HIPK2: variants seen among roughly 807,000 people sequenced by gnomAD.
HIPK2 encodes the protein homeodomain-interacting protein kinase 2.
A neutral mutation model predicts 113.7 loss-of-function variants in HIPK2; 27 were observed. The observed-to-expected ratio is 0.24, with a 90% confidence interval of 0.17 to 0.33. The LOEUF is 0.33. HIPK2 is among the 10% of genes least tolerant of loss of function. The pLI, the probability that HIPK2 is intolerant of heterozygous loss-of-function variation, is 1.00. For missense variants in HIPK2, 1,257 were observed against 1,588.0 expected, an observed-to-expected ratio of 0.79 and a Z score of 3.54; for synonymous variants, 631 against 642.2, an observed-to-expected ratio of 0.98 and a Z score of 0.26.
intron 7 of HIPK2, among the ~76,000 whole-genome samples, chr7:139,618,869 G>T (rs546705285): frequency 6.6e-6 from 1 of 152,334 alleles, no homozygotes; most frequent in Non-Finnish European, 1.5e-5. Context: ...TTAAGACCAG[G>T]TGCCTCATGA....
At chr7:139,730,280 G>A (rs1795731448) in intron 1 of HIPK2, among the ~76,000 whole-genome samples, 1 of 152,038 alleles carries the variant, frequency 6.6e-6, no homozygotes, top group Non-Finnish European at 1.5e-5. Flanking sequence ...AAATGTTTGT[G>A]GCACACAGAA....
intron 1 of HIPK2, among the ~76,000 whole-genome samples, chr7:139,733,299 G>A (rs1319580644): frequency 2.0e-5 from 3 of 152,162 alleles, no homozygotes; most frequent in Non-Finnish European, 1.5e-5. Context: ...CTAAACAAGC[G>A]TTTAGTGAAA....
At chr7:139,764,448 A>G (rs1300275193) in intron 1 of HIPK2, among the ~76,000 whole-genome samples, 1 of 152,236 alleles carries the variant, frequency 6.6e-6, no homozygotes, top group East Asian at 1.9e-4. Flanking sequence ...AATGTTAAGT[A>G]AAACAAAGTC....
At chr7:139,699,797 A>G (rs907061177) in intron 2 of HIPK2, among the ~76,000 whole-genome samples, 1 of 152,206 alleles carries the variant, frequency 6.6e-6, no homozygotes, top group African/African-American at 2.4e-5. Flanking sequence ...TGAATCCCTC[A>G]CAGCACTGGG....
At chr7:139,652,908 C>T (rs1366955123) in intron 2 of HIPK2, among the ~76,000 whole-genome samples, 2 of 151,790 alleles carry the variant, frequency 1.3e-5, no homozygotes, top group African/African-American at 2.4e-5. Context: ...TTTGGGAGGC[C>T]GGGGTGGGTG....
At chr7:139,649,352 T>C (rs7785516) in intron 2 of HIPK2, among the ~76,000 whole-genome samples, 21,907 of 152,224 alleles carry the variant, frequency 0.14, 1,842 homozygotes, top group African/African-American at 0.23. Flanking sequence ...AGATGCTGCT[T>C]GTGCTGACCT....
chr7:139,669,658 G>GT (rs199621058), intron 2 of HIPK2, among the ~76,000 whole-genome samples: 8 of 147,208 alleles, frequency 5.4e-5, no homozygotes, highest in South Asian at 4.2e-4. Context: ...GTGGGCGGGT[G>GT]GGGGGGACAC....
chr7:139,621,409 C>A (rs1481806816), intron 6 of HIPK2, among the ~76,000 whole-genome samples: 2 of 152,190 alleles, frequency 1.3e-5, no homozygotes, highest in African/African-American at 4.8e-5. Context: ...TTCTCCTTTT[C>A]TTCCCCCATT....
intron 6 of HIPK2, among the ~76,000 whole-genome samples, chr7:139,624,888 C>T (rs557296910): frequency 2.0e-5 from 3 of 152,298 alleles, no homozygotes; most frequent in South Asian, 4.1e-4. Context: ...CGATTCATGT[C>T]GAACCTCAGG....
intron 1 of HIPK2, 47 bp downstream of exon 1, chr7:139,777,558 C>T (rs1484104484): frequency 2.2e-6 from 2 of 922,370 alleles, no homozygotes; most frequent in Non-Finnish European, 2.6e-6. Flanking sequence ...CTGCGGGGGC[C>T]GCGGAGGGCG....
At chr7:139,695,826 A>G (rs1229606302) in intron 2 of HIPK2, among the ~76,000 whole-genome samples, 1 of 152,222 alleles carries the variant, frequency 6.6e-6, no homozygotes, top group Non-Finnish European at 1.5e-5. Context: ...CCTGTCCCAC[A>G]GCTTAACTGT....
intron 2 of HIPK2, among the ~76,000 whole-genome samples, chr7:139,666,902 T>C (rs1424761428): frequency 6.6e-6 from 1 of 151,956 alleles, no homozygotes; most frequent in African/African-American, 2.4e-5. Flanking sequence ...TCTCTGCTGC[T>C]ATACAAAAAT....
chr7:139,653,706 A>T (rs1801547696), intron 2 of HIPK2, among the ~76,000 whole-genome samples: 1 of 151,882 alleles, frequency 6.6e-6, no homozygotes, highest in Non-Finnish European at 1.5e-5. Flanking sequence ...GGGGGAACAA[A>T]ACATGCTCCT....
At chr7:139,759,235 C>G (rs1027360149) in intron 1 of HIPK2, among the ~76,000 whole-genome samples, 1 of 152,172 alleles carries the variant, frequency 6.6e-6, no homozygotes, top group Non-Finnish European at 1.5e-5. Context: ...AAAGCTATAA[C>G]AAAATACCAT....
chr7:139,671,643 C>T (rs561637964), intron 2 of HIPK2, among the ~76,000 whole-genome samples: 2 of 152,294 alleles, frequency 1.3e-5, no homozygotes, highest in Admixed American at 1.3e-4. Context: ...CCTCCGTCTC[C>T]TGGTTCAAGC....
In HIPK2 at chr7:139,626,634, A is replaced by C; in HGVS notation, c.1586T>G (p.Met529Arg). Residue 529 changes from methionine (M) to arginine (R), a missense_variant, in exon 6 of 15, where the codon ATG becomes AGG. Physicochemically the swap from Met to Arg is moderately conservative, Grantham distance 91 (BLOSUM62 -1). This residue lies in a region of HIPK2 where 862 missense variants were observed against 1,004.3 expected (regional missense o/e 0.86). Transcript: ENST00000406875. The part of the protein sequence containing the change: ...IETLNHPFVT[M>R]THLLDFPHST... ...GTGGGGAAAATCGAGTAAGTGTGTC[A>C]TGGTGACAAAGGGATGGTTCAGGGT... 2 of 1,613,976 alleles carry C rather than the reference A, an allele frequency of 1.2e-6. No individual in the cohort carries two copies. Among genetic ancestry groups the C allele is most frequent in the Non-Finnish European group, 1.7e-6 (2 of 1,179,882 alleles).
At chr7:139,643,503 G>A (rs1238524690) in intron 2 of HIPK2, among the ~76,000 whole-genome samples, 1 of 152,120 alleles carries the variant, frequency 6.6e-6, no homozygotes. Context: ...CAGAGGAGAA[G>A]GTTGCATCTG....
At chr7:139,754,268 G>A (rs1796329196) in intron 1 of HIPK2, among the ~76,000 whole-genome samples, 1 of 152,216 alleles carries the variant, frequency 6.6e-6, no homozygotes. Flanking sequence ...TCCGATAGAA[G>A]GAGCACAAAT....
chr7:139,728,867 G>A (rs1468620578), intron 1 of HIPK2, among the ~76,000 whole-genome samples: 1 of 152,138 alleles, frequency 6.6e-6, no homozygotes, highest in Non-Finnish European at 1.5e-5. Flanking sequence ...GGACCTATAA[G>A]TTCATTTCAA....
Sources: gnomAD v4.1 joint callset for allele counts (sites outside exome capture counted in the v4.1 genomes callset) on GRCh38, gnomAD v4.1.1 for gene constraint, gnomAD v4.1.1 regional missense constraint, MANE v1.5 for transcripts, NCBI Gene and HGNC (gene_info 2026-07-23, HGNC 2026-07-21) for gene names.